Variants in MUC4 observed in about 807,000 individuals in gnomAD.
MUC4 encodes mucin-4.
MUC4 carries 202 observed loss-of-function variants against 257.9 expected under a neutral mutation model. The ratio of observed to expected loss-of-function variants is 0.78; its 90% CI spans 0.70 to 0.88. The LOEUF (loss-of-function observed/expected upper bound fraction) is 0.88, where lower values mean the gene tolerates loss of function less well. Ranked by LOEUF, MUC4 falls within the 40% of genes least tolerant of loss-of-function variation. The pLI is 0.00. For synonymous variants in MUC4, 2,351 were observed against 2,757.1 expected, an observed-to-expected ratio of 0.85 and a Z score of 4.62; for missense variants, 5,976 against 6,513.7, an observed-to-expected ratio of 0.92 and a Z score of 2.84.
chr3:195,762,460 G>T (rs1290779415), intron 13 of MUC4, among the ~76,000 whole-genome samples: 1 of 150,906 alleles, frequency 6.6e-6, no homozygotes. Flanking sequence ...GCACCGCCAC[G>T]CACCGGGCCC....
At chr3:195,776,486 G>GCACC (rs1724769050) in intron 3 of MUC4, among the ~76,000 whole-genome samples, 1 of 7,030 alleles carries the variant, frequency 1.4e-4, no homozygotes, top group Non-Finnish European at 2.2e-4. Flanking sequence ...CATACCTTCC[G>GCACC]CATCCATACC....
chr3:195,761,866 GC>G lies in MUC4; in HGVS notation c.14512+220del, dbSNP rs202179554. On this transcript the variant is annotated intron_variant, in intron 14 of 24. Transcript: ENST00000463781. The stretch of plus-strand genomic sequence containing the variant: ...TGGCTGTGCCCCCCGCCTCCCCGCA[GC>G]CCCCCCTGATGCTCCCTTAGAGCGG... Among the ~76,000 whole-genome samples the G allele has an allele frequency of 3.6e-3, 553 of 152,266 alleles. 3 individuals are homozygous for G. Among genetic ancestry groups the G allele is most frequent in the Non-Finnish European group, 6.2e-3 (422 of 68,004 alleles).
At position 195,782,606 on chromosome 3, in the gene MUC4, G is replaced by C; in HGVS notation, c.8974C>G (p.Leu2992Val). The C allele has an allele frequency of 3.6e-6, 3 of 830,964 alleles. No individual in the cohort carries two copies. The highest frequency in any genetic ancestry group is 5.1e-6 in the Non-Finnish European group (3 of 591,656). The allele number at this position is 830,964 out of a possible 1,614,324, so 51.5% of individuals were successfully genotyped here. A position where few individuals can be genotyped will look rare whatever the true frequency, so the allele number is the denominator to read the frequency against. Residue 2992 changes from leucine (L) to valine (V), a missense_variant, in exon 2 of 25, where the codon CTT (leucine) becomes GTT (valine). By Grantham distance (32) the Leu-to-Val change is conservative. Transcript: ENST00000463781. The stretch of plus-strand genomic sequence containing the variant: ...GAGGAAGTGTCGGTGACAGGAAGAA[G>C]GGTGGCGTGACCTGTGGATGCTGAG... ...TSSASTGHAT[L>V]LPVTDTSSAS... is the part of the protein sequence containing the mutation.
Position 195,754,258 on chromosome 3 carries a change from C to G in MUC4, c.15283G>C (p.Glu5095Gln), listed in dbSNP as rs144662307. 6.2e-7 allele frequency: 1 copy of G among 1,614,030 alleles called. No homozygotes were observed. The highest frequency in any genetic ancestry group is 8.5e-7 in the Non-Finnish European group (1 of 1,179,996). ...CCAGTCAGGTTTGGAGGGCAGGCCTCGCAGCCCTTCCCAGGAACGCAGTGG... is the reference window on the plus strand; with the variant it reads ...CCAGTCAGGTTTGGAGGGCAGGCCTGGCAGCCCTTCCCAGGAACGCAGTGG... ...SVHCVPGKGC[E>Q]ACPPNLTGDG... Residue 5095 changes from glutamate (E) to glutamine (Q), a missense_variant, in exon 19 of 25, where the codon GAG becomes CAG. Glu to Gln is a conservative substitution (Grantham distance 29). Coordinates refer to ENST00000463781, the MANE Select transcript of MUC4 (RefSeq NM_018406.7).
intron 1 of MUC4, among the ~76,000 whole-genome samples, chr3:195,794,493 G>T (rs1734320323): frequency 6.6e-6 from 1 of 152,142 alleles, no homozygotes; most frequent in Non-Finnish European, 1.5e-5. Flanking sequence ...CTTCTGAGTA[G>T]CTGGGACTAC....
Position 195,764,046 on chromosome 3 carries a change from G to C in MUC4, c.14043C>G (p.Pro4681=), listed in dbSNP as rs369959021. 27 of 1,609,028 alleles carry C rather than the reference G, an allele frequency of 1.7e-5. No individual in the cohort carries two copies. In the African/African-American group the frequency reaches 3.2e-4, roughly 19 times the overall value. ...VGCATYRPPQ[P]AWMFGDPHIT... Reference sequence around the variant, plus strand: ...CTGGGCCTGGGCCCTGTCGCTCACCGGGCTGTGGGGGCCTGTATGTAGCAC... The same window carrying C: ...CTGGGCCTGGGCCCTGTCGCTCACCCGGCTGTGGGGGCCTGTATGTAGCAC... The change falls in exon 11 of 25, where the codon CCC becomes CCG. Residue 4681 remains proline (P), a splice_region_variant and synonymous_variant. Coordinates refer to ENST00000463781, the MANE Select transcript of MUC4 (RefSeq NM_018406.7).
rs1014033347 is a variant in MUC4 at position 195,788,803 on chromosome 3, G to C, written c.2777C>G (p.Ser926Cys). The change falls in exon 2 of 25, where the codon TCC becomes TGC. Residue 926 changes from serine to cysteine, a missense_variant. Ser to Cys is a moderately radical substitution (Grantham distance 112, BLOSUM62 -1). Coordinates refer to ENST00000463781, the MANE Select transcript of MUC4 (RefSeq NM_018406.7). ...TGTTGAGAAGGTGTCGGTTGCCTGG[G>C]ACGCCAGGCTGATAGTGTCAGACCC... ...SRGSDTISLASQATDTFSTVP... is the reference protein window; with the variant it reads ...SRGSDTISLACQATDTFSTVP... 14 of 1,613,808 alleles carry C rather than the reference G, an allele frequency of 8.7e-6. No homozygotes were observed. The highest frequency in any genetic ancestry group is 8.0e-5 in the African/African-American group (6 of 74,888).
chr3:195,761,064 T>G lies in MUC4; in HGVS notation c.14668A>C (p.Asn4890His). The G allele has an allele frequency of 6.2e-7, 1 of 1,614,146 alleles. No homozygotes were observed. Among genetic ancestry groups the G allele is most frequent in the Non-Finnish European group, 8.5e-7 (1 of 1,180,004 alleles). The change falls in exon 16 of 25, where the codon AAC becomes CAC. Residue 4890 changes from asparagine to histidine, a missense_variant. This residue lies in a region of MUC4 where 996 missense variants were observed against 1,137.3 expected (regional missense o/e 0.88). Transcript: ENST00000463781. ...LGKRNDQLPS[N>H]FTPVFYSQLQ... is the part of the protein sequence containing the mutation. ...TGTGAGTAGAAAACAGGGGTGAAGT[T>G]GGAAGGCAGCTGGTCATTCCTCTTG...
rs756934661 is a variant in MUC4 at position 195,790,876 on chromosome 3, A to G, written c.704T>C (p.Val235Ala). The G allele has an allele frequency of 4.3e-6, 7 of 1,613,870 alleles. No individual in the cohort carries two copies. Among genetic ancestry groups the G allele is most frequent in the Admixed American group, 3.3e-5 (2 of 60,002 alleles). The change falls in exon 2 of 25, where the codon GTT (valine) becomes GCT (alanine). Residue 235 changes from valine to alanine, a missense_variant. Physicochemically the swap from Val to Ala is moderately conservative, Grantham distance 64. Coordinates refer to ENST00000463781, the MANE Select transcript of MUC4 (RefSeq NM_018406.7). ...SPSVHNVTGT[V>A]SQKTSPSGET... ...ACCTGAAGGAGATGTCTTCTGAGAAACAGTCCCTGTCACATTGTGTACACT... is the reference window on the plus strand; with the variant it reads ...ACCTGAAGGAGATGTCTTCTGAGAAGCAGTCCCTGTCACATTGTGTACACT...
chr3:195,784,671 G>C lies in MUC4; in HGVS notation c.6909C>G (p.Thr2303=), dbSNP rs747244679. ...AGGAAGCGTCGGTGACATGAAGAGG[G>C]GTGGCGTGACCTGTGGATGCTGAGG... is the stretch of plus-strand genomic sequence containing the variant. The part of the protein sequence containing the change: ...SPSSASTGHA[T]PLHVTDASSA... Residue 2303 remains threonine (T), a synonymous_variant, in exon 2 of 25, where the codon ACC becomes ACG. Coordinates refer to ENST00000463781, the MANE Select transcript of MUC4 (RefSeq NM_018406.7). 2.1e-6 allele frequency: 3 copies of C among 1,412,780 alleles called. 1 individual carries two copies. The highest frequency in any genetic ancestry group is 2.0e-5 in the African/African-American group (1 of 49,950). The allele number at this position is 1,412,780 out of a possible 1,614,324, so 87.5% of individuals were successfully genotyped here.
rs865931274 is a variant in MUC4, at chr3:195,775,903, A to G, written c.12944-1598T>C. 3.7e-3 allele frequency among the ~76,000 whole-genome samples: 236 copies of G among 63,862 alleles called. 1 individual carries two copies. Among genetic ancestry groups the G allele is most frequent in the Middle Eastern group, 0.028 (3 of 108 alleles). The allele number at this position is 63,862 out of a possible 152,430, so 41.9% of individuals were successfully genotyped here. On this transcript the variant is annotated intron_variant, in intron 3 of 24. Coordinates refer to ENST00000463781, the MANE Select transcript of MUC4 (RefSeq NM_018406.7). ...TACCTTCCACACCCATACCTTCCAC[A>G]CCCATACCTTCCACACCCATACCTT...
chr3:195,756,905 C>G (rs1214656846), intron 18 of MUC4, among the ~76,000 whole-genome samples: 2 of 152,156 alleles, frequency 1.3e-5, no homozygotes, highest in Non-Finnish European at 2.9e-5. Flanking sequence ...TTGTGATCCG[C>G]TTGCCTCAGC....
intron 8 of MUC4, 78 bp from the exon 9 acceptor site, chr3:195,765,527 A>G (rs1392849702): frequency 1.4e-6 from 2 of 1,413,542 alleles, no homozygotes; most frequent in African/African-American, 1.4e-5. Flanking sequence ...GGGTCAACCA[A>G]AACTCACAAA....
intron 1 of MUC4, among the ~76,000 whole-genome samples, chr3:195,803,353 G>T (rs1291695469): frequency 1.3e-5 from 2 of 152,200 alleles, no homozygotes; most frequent in Non-Finnish European, 2.9e-5. Flanking sequence ...TAGAAATCTG[G>T]CTGCTTCCCC....
chr3:195,791,131 T>C lies in MUC4; in HGVS notation c.449A>G (p.Asn150Ser), dbSNP rs189934289. 1,873 of 1,613,930 alleles carry C rather than the reference T, an allele frequency of 1.2e-3. 13 individuals are homozygous for C. Among genetic ancestry groups the C allele is most frequent in the Non-Finnish European group, 5.5e-4 (647 of 1,179,880 alleles). ...TCCTGCTGTTGATGTCTCTTCTGTG[T>C]TTCCAAGAGTGGAGTCTGTGGAGGT... ...MTTSTDSTLG[N>S]TEETSTAGTE... is the part of the protein sequence containing the mutation. The change falls in exon 2 of 25, where the codon AAC (asparagine) becomes AGC (serine). Residue 150 changes from asparagine (N) to serine (S), a missense_variant. Transcript: ENST00000463781.
At chr3:195,763,747 G>C in intron 11 of MUC4, 106 bp from the exon 12 acceptor site, 1 of 1,194,866 alleles carries the variant, frequency 8.4e-7, no homozygotes, top group Non-Finnish European at 1.1e-6. Flanking sequence ...CTCAGGGTGA[G>C]GTTCCTCACT....
Position 195,789,164 on chromosome 3 carries a change from A to C in MUC4, c.2416T>G (p.Ser806Ala), listed in dbSNP as rs780729858. The C allele has an allele frequency of 6.2e-7, 1 of 1,613,486 alleles. No individual in the cohort carries two copies. Among genetic ancestry groups the C allele is most frequent in the African/African-American group, 1.3e-5 (1 of 74,800 alleles). ...RTTSAGTATP[S>A]SSGASGTTPS... The stretch of plus-strand genomic sequence containing the variant: ...GTTGTGCCACTCGCCCCGGATGAGG[A>C]AGGGGTAGCTGTGCCCGCTGAGGTG... The change falls in exon 2 of 25, where the codon TCC becomes GCC. Residue 806 changes from serine (S) to alanine (A), a missense_variant. Physicochemically the swap from Ser to Ala is moderately conservative, Grantham distance 99. This residue lies in a region of MUC4 where 1,583 missense variants were observed against 1,257.4 expected (regional missense o/e 1.26). Coordinates refer to ENST00000463781, the MANE Select transcript of MUC4 (RefSeq NM_018406.7).
intron 1 of MUC4, among the ~76,000 whole-genome samples, chr3:195,795,892 T>C (rs1300070374): frequency 6.7e-6 from 1 of 149,458 alleles, no homozygotes; most frequent in Admixed American, 6.6e-5. Flanking sequence ...GACACAGATA[T>C]CAAGATTATT....
chr3:195,754,937 T>C (rs1282544129), intron 18 of MUC4, among the ~76,000 whole-genome samples: 3 of 152,178 alleles, frequency 2.0e-5, no homozygotes, highest in Non-Finnish European at 4.4e-5. Context: ...TGTATCCATG[T>C]ATGTATCCAT....
Sources: gnomAD v4.1 joint callset for allele counts (sites outside exome capture counted in the v4.1 genomes callset) on GRCh38, gnomAD v4.1.1 for gene constraint, gnomAD v4.1.1 regional missense constraint, MANE v1.5 for transcripts, NCBI Gene and HGNC (gene_info 2026-07-23, HGNC 2026-07-21) for gene names.